The following HMCES variants were observed in gnomAD, a reference collection of about 807,000 sequenced individuals.
HMCES encodes abasic site processing protein HMCES.
HMCES carries 27 observed loss-of-function variants against 35.1 expected under a neutral mutation model. The ratio of observed to expected loss-of-function variants is 0.77; its 90% CI spans 0.57 to 1.06. HMCES has a LOEUF of 1.06. Among genes scored for constraint, HMCES ranks in the 50% least tolerant of loss-of-function variants. HMCES has a pLI of 0.00. For synonymous variants in HMCES, 130 were observed against 154.7 expected, an observed-to-expected ratio of 0.84 and a Z score of 1.18; for missense variants, 391 against 430.4, an observed-to-expected ratio of 0.91 and a Z score of 0.81.
chr3:129,303,942 C>T (rs2071203653), intron 6 of HMCES, among the ~76,000 whole-genome samples: 1 of 151,694 alleles, frequency 6.6e-6, no homozygotes, highest in African/African-American at 2.4e-5. Context: ...ATGGGGTCTT[C>T]CTATGTTTCC....
Position 129,279,648 on chromosome 3 carries a change from C to T in HMCES, c.-23-62C>T. The T allele has an allele frequency of 2.0e-6, 3 of 1,499,794 alleles. No homozygotes were observed. The highest frequency in any genetic ancestry group is 2.7e-6 in the Non-Finnish European group (3 of 1,102,356). 92.9% of individuals were successfully genotyped at this position (1,499,794 alleles called of 1,614,324 possible). A position where few individuals can be genotyped will look rare whatever the true frequency, so the allele number is the denominator to read the frequency against. On this transcript the variant is annotated intron_variant, in intron 1 of 6. Coordinates refer to ENST00000383463, the MANE Select transcript of HMCES (RefSeq NM_020187.3). The surrounding 1 kb of genome is among the most constrained non-coding windows in gnomAD (Gnocchi z 4.2). ...GGAACGGAAAGAGAAGGCGGGGACT[C>T]AAGGAATAAGACCTAATATTTGAGA...
intron 5 of HMCES, 22 bp from the exon 6 acceptor site, chr3:129,301,928 T>C: frequency 6.3e-7 from 1 of 1,591,606 alleles, no homozygotes; most frequent in East Asian, 2.2e-5. Flanking sequence ...CTCCCAACCA[T>C]TGTCTTAACT....
intron 4 of HMCES, among the ~76,000 whole-genome samples, chr3:129,293,985 G>A (rs1342704350): frequency 6.6e-6 from 1 of 151,858 alleles, no homozygotes; most frequent in Non-Finnish European, 1.5e-5. Flanking sequence ...GATGTGATTG[G>A]GTTAAAATCC....
At chr3:129,302,757 T>TA (rs1201200322) in intron 6 of HMCES, among the ~76,000 whole-genome samples, 2 of 151,880 alleles carry the variant, frequency 1.3e-5, no homozygotes, top group South Asian at 4.1e-4. Context: ...CTCATGCCTG[T>TA]AATGCCAGCA....
At chr3:129,299,175 C>T (rs1451533754) in intron 5 of HMCES, among the ~76,000 whole-genome samples, 2 of 152,152 alleles carry the variant, frequency 1.3e-5, no homozygotes, top group African/African-American at 4.8e-5. Context: ...ATACATACTA[C>T]AATAAATATG....
At chr3:129,285,844 C>T (rs1011430638) in intron 2 of HMCES, among the ~76,000 whole-genome samples, 8 of 151,974 alleles carry the variant, frequency 5.3e-5, no homozygotes, top group African/African-American at 1.9e-4. Context: ...ATTCTCATGC[C>T]TCAGCCTCCC....
At chr3:129,304,107 A>C (rs2071205580) in intron 6 of HMCES, among the ~76,000 whole-genome samples, 1 of 152,160 alleles carries the variant, frequency 6.6e-6, no homozygotes, top group Admixed American at 6.6e-5. Flanking sequence ...GCTAATTCAG[A>C]ACCTTTCAGT....
At chr3:129,301,655 G>C (rs2071170698) in intron 5 of HMCES, among the ~76,000 whole-genome samples, 1 of 152,130 alleles carries the variant, frequency 6.6e-6, no homozygotes, top group African/African-American at 2.4e-5. Flanking sequence ...TTCTAGGCTG[G>C]GGTGTCATAG....
intron 5 of HMCES, among the ~76,000 whole-genome samples, chr3:129,299,579 T>G (rs2071135451): frequency 1.3e-5 from 2 of 151,840 alleles, no homozygotes; most frequent in Non-Finnish European, 2.9e-5. Context: ...GAGCCACTTG[T>G]GGTATTTAAG....
At chr3:129,296,890 C>T (rs988172226) in intron 4 of HMCES, among the ~76,000 whole-genome samples, 4 of 152,174 alleles carry the variant, frequency 2.6e-5, no homozygotes, top group Non-Finnish European at 4.4e-5. Flanking sequence ...AGGCGCCCGT[C>T]ACCAGGCCCA....
At chr3:129,292,497 C>CTT (rs763165708) in intron 4 of HMCES, among the ~76,000 whole-genome samples, 114 of 133,838 alleles carry the variant, frequency 8.5e-4, no homozygotes, top group Non-Finnish European at 1.5e-3. Context: ...TTTTTTTCTT[C>CTT]TTTTTTTTTT....
intron 5 of HMCES, among the ~76,000 whole-genome samples, chr3:129,300,399 A>G (rs575059166): frequency 4.6e-5 from 7 of 152,166 alleles, no homozygotes; most frequent in African/African-American, 1.7e-4. Context: ...ATTGCTCTCT[A>G]CTGTATCAGT....
Position 129,290,780 on chromosome 3 carries a change from T to C in HMCES, c.429T>C (p.Tyr143=). 6.2e-7 allele frequency: 1 copy of C among 1,613,256 alleles called. No individual in the cohort carries two copies. The highest frequency in any genetic ancestry group is 8.5e-7 in the Non-Finnish European group (1 of 1,179,340). ...GTNQRQPYFI[Y]FPQIKTEKSG... ...ACCAGAGGCAGCCATACTTCATCTA[T>C]TTTCCTCAAATCAAGACAGAGAAGG... Residue 143 remains tyrosine (Y), a synonymous_variant, in exon 4 of 7, where the codon TAT becomes TAC. Transcript: ENST00000383463.
chr3:129,292,595 C>T (rs1297241451), intron 4 of HMCES, among the ~76,000 whole-genome samples: 3 of 150,556 alleles, frequency 2.0e-5, no homozygotes, highest in South Asian at 2.1e-4. Context: ...CGGGTTCAAG[C>T]GATTCTCCTG....
rs144847087 is a variant in HMCES at position 129,289,921 on chromosome 3, C to T, written c.328-758C>T. ...AAAAGAGAGTGGCCGGGCACGGTGG[C>T]TCACACCTATAATCCCAGCACTTTG... On this transcript the variant is annotated intron_variant, in intron 3 of 6. Transcript: ENST00000383463. Among the ~76,000 whole-genome samples the T allele has an allele frequency of 3.5e-3, 530 of 152,200 alleles. 1 individual carries two copies. Among genetic ancestry groups the T allele is most frequent in the African/African-American group, 0.012 (501 of 41,534 alleles).
At chr3:129,293,577 TTTTTTTTTTTGAGACAGAGTTTCAC>T in intron 4 of HMCES, among the ~76,000 whole-genome samples, 1 of 145,050 alleles carries the variant, frequency 6.9e-6, no homozygotes, top group South Asian at 2.2e-4. Context: ...TTTTTTTTTT[TTTTTTTTTTTGAGACAGAGTTTCAC>T]TCTTGTTGCC....
At chr3:129,303,463 T>C (rs2107701186) in intron 6 of HMCES, among the ~76,000 whole-genome samples, 1 of 152,334 alleles carries the variant, frequency 6.6e-6, no homozygotes, top group Non-Finnish European at 1.5e-5. Context: ...CTAAAACTAA[T>C]TCTATATACA....
intron 2 of HMCES, among the ~76,000 whole-genome samples, chr3:129,286,178 A>T (rs1457439036): frequency 2.6e-5 from 4 of 152,210 alleles, no homozygotes; most frequent in Non-Finnish European, 5.9e-5. Flanking sequence ...CTATGGTTTG[A>T]ATGTTTGTGT....
Position 129,302,052 on chromosome 3 carries a change from C to T in HMCES, c.738C>T (p.Asn246=), listed in dbSNP as rs780450714. The T allele has an allele frequency of 7.9e-5, 127 of 1,614,112 alleles. No individual in the cohort carries two copies. Among genetic ancestry groups the T allele is most frequent in the Admixed American group, 2.0e-4 (12 of 60,010 alleles). Residue 246 remains asparagine, a synonymous_variant, in exon 6 of 7, where the codon AAC becomes AAT. Transcript: ENST00000383463. ...EALKLIHPTE[N]ITFHAVSSVV... is the part of the protein sequence containing the mutation. ...TGAAATTAATCCACCCAACAGAGAA[C>T]ATCACCTTCCATGCAGTCTCTTCTG...
Sources: allele counts gnomAD v4.1 joint callset (sites outside exome capture counted in the v4.1 genomes callset), GRCh38; gene constraint gnomAD v4.1.1; non-coding constraint Gnocchi (gnomAD v3.1); transcripts MANE v1.5; gene names NCBI Gene and HGNC (gene_info 2026-07-23, HGNC 2026-07-21).